ZNF609: variants seen among roughly 807,000 people sequenced by gnomAD.
ZNF609 encodes the protein zinc finger protein 609.
A neutral mutation model predicts 109.5 loss-of-function variants in ZNF609; 11 were observed. The ratio of observed to expected loss-of-function variants is 0.10; its 90% CI spans 0.06 to 0.17. ZNF609 has a LOEUF of 0.17. Among genes scored for constraint, ZNF609 ranks in the 10% least tolerant of loss-of-function variants. The pLI, the probability that ZNF609 is intolerant of heterozygous loss-of-function variation, is 1.00. For synonymous variants in ZNF609, 646 were observed against 662.0 expected (o/e 0.98, Z 0.37); for missense variants, 1,559 against 1,772.4 (o/e 0.88, Z 2.16).
At chr15:64,584,216 G>A (rs1255687251) in intron 2 of ZNF609, among the ~76,000 whole-genome samples, 11 of 152,186 alleles carry the variant, frequency 7.2e-5, no homozygotes, top group Admixed American at 7.2e-4. Context: ...TCGGCACTTT[G>A]GGAGGCCGAG....
intron 2 of ZNF609, among the ~76,000 whole-genome samples, chr15:64,595,390 A>T (rs940399468): frequency 6.6e-5 from 10 of 151,436 alleles, no homozygotes; most frequent in Admixed American, 2.6e-4. Context: ...TCGAAGTGCT[A>T]CAGCCACCTT....
rs759580476 is a variant in ZNF609 at position 64,674,185 on chromosome 15, C to G, written c.1331C>G (p.Pro444Arg). The change falls in exon 5 of 10, where the codon CCC becomes CGC. Residue 444 changes from proline to arginine, a missense_variant. Pro to Arg is a moderately radical substitution (Grantham distance 103, BLOSUM62 -2). Transcript: ENST00000326648. ...PSSANKRKNKPLSDMELNSSS... is the reference protein window; with the variant it reads ...PSSANKRKNKRLSDMELNSSS... ...TCAGCTAATAAGCGGAAAAACAAAC[C>G]CCTTTCAGACATGGAGCTGAATTCT... 3.1e-6 allele frequency: 5 copies of G among 1,614,018 alleles called. No individual in the cohort carries two copies. Among genetic ancestry groups the G allele is most frequent in the Non-Finnish European group, 4.2e-6 (5 of 1,180,036 alleles).
intron 3 of ZNF609, among the ~76,000 whole-genome samples, chr15:64,658,995 A>C (rs948239509): frequency 1.3e-5 from 2 of 152,014 alleles, no homozygotes; most frequent in African/African-American, 4.8e-5. Context: ...GGGTTTCACC[A>C]TGTTGGCCAG....
chr15:64,516,492 G>T (rs2140361321), intron 2 of ZNF609, among the ~76,000 whole-genome samples: 1 of 152,194 alleles, frequency 6.6e-6, no homozygotes, highest in African/African-American at 2.4e-5. Context: ...TCCTGCCACA[G>T]CCTCCCAAGT....
Position 64,674,679 on chromosome 15 carries a change from T to C in ZNF609, c.1825T>C (p.Ser609Pro). The change falls in exon 5 of 10, where the codon TCT becomes CCT. Residue 609 changes from serine (S) to proline (P), a missense_variant. Around this residue, in one of 4 missense-constraint regions of ZNF609, gnomAD observed 1,204 missense variants for 1,314.1 expected, o/e 0.92. Coordinates refer to ENST00000326648, the MANE Select transcript of ZNF609 (RefSeq NM_015042.2). ...CCTTGGGGCCTTATCCAATGATGGCTCTGATGATGGACCCTCAGTGATGGA... is the reference window on the plus strand; with the variant it reads ...CCTTGGGGCCTTATCCAATGATGGCCCTGATGATGGACCCTCAGTGATGGA... Reference protein sequence around the residue: ...TDLGALSNDGSDDGPSVMDET... With the variant: ...TDLGALSNDGPDDGPSVMDET... The C allele has an allele frequency of 6.2e-7, 1 of 1,614,190 alleles. No homozygotes were observed. Among genetic ancestry groups the C allele is most frequent in the East Asian group, 2.2e-5 (1 of 44,886 alleles).
chr15:64,628,405 C>G (rs1483636794), intron 3 of ZNF609, among the ~76,000 whole-genome samples: 5 of 151,916 alleles, frequency 3.3e-5, no homozygotes, highest in African/African-American at 1.2e-4. Context: ...ACCTGTAATC[C>G]CAACACTTTG....
chr15:64,540,117 A>G (rs967964001), intron 2 of ZNF609, among the ~76,000 whole-genome samples: 9 of 152,160 alleles, frequency 5.9e-5, no homozygotes, highest in African/African-American at 2.2e-4. Flanking sequence ...CCCGTTGTGT[A>G]TCTTCTATAT....
At chr15:64,658,746 G>A (rs1040400630) in intron 3 of ZNF609, among the ~76,000 whole-genome samples, 5 of 150,756 alleles carry the variant, frequency 3.3e-5, no homozygotes, top group South Asian at 2.1e-4. Flanking sequence ...TCAGTGAGCC[G>A]TAATCATACC....
intron 1 of ZNF609, among the ~76,000 whole-genome samples, chr15:64,471,904 G>C (rs1596375207): frequency 6.7e-6 from 1 of 148,244 alleles, no homozygotes; most frequent in Admixed American, 6.7e-5. Context: ...CTTTTTCTTT[G>C]TTTTTGTTTT....
intron 2 of ZNF609, chr15:64,503,189 T>C (rs1893586631): frequency 6.6e-6 from 1 of 152,234 alleles, no homozygotes; most frequent in Admixed American, 6.5e-5. Flanking sequence ...GGGATCCCAC[T>C]TTTGCTCGAC....
intron 3 of ZNF609, among the ~76,000 whole-genome samples, chr15:64,645,754 T>C (rs931696639): frequency 6.6e-6 from 1 of 152,134 alleles, no homozygotes; most frequent in Non-Finnish European, 1.5e-5. Context: ...AGAAGATATC[T>C]AAATGACCAA....
chr15:64,624,482 A>C, intron 3 of ZNF609, among the ~76,000 whole-genome samples: 1 of 151,718 alleles, frequency 6.6e-6, no homozygotes, highest in African/African-American at 2.4e-5. Context: ...GAATAAATCG[A>C]TTTCCTGCCT....
Position 64,518,978 on chromosome 15 carries a change from C to T in ZNF609, c.747+18812C>T, listed in dbSNP as rs566675957. ...TTGGTCCTGCTCTTTCTAGGGCATA[C>T]GGTTTAGTAGGGGAGATAGAATGGA... On this transcript the variant is annotated intron_variant, in intron 2 of 9. Coordinates refer to ENST00000326648, the MANE Select transcript of ZNF609 (RefSeq NM_015042.2). Among the ~76,000 whole-genome samples the T allele has an allele frequency of 3.9e-5, 6 of 151,962 alleles. No individual in the cohort carries two copies. In the East Asian group the frequency reaches 7.7e-4, roughly 20 times the overall value.
At chr15:64,559,658 A>G (rs961899768) in intron 2 of ZNF609, among the ~76,000 whole-genome samples, 2 of 152,220 alleles carry the variant, frequency 1.3e-5, no homozygotes, top group African/African-American at 4.8e-5. Flanking sequence ...TTATATTAAT[A>G]ACTTTAATAA....
chr15:64,586,185 G>C (rs1895191857), intron 2 of ZNF609, among the ~76,000 whole-genome samples: 1 of 152,052 alleles, frequency 6.6e-6, no homozygotes, highest in Non-Finnish European at 1.5e-5. Context: ...AATTAGCCGG[G>C]CGTGGTGGCA....
At chr15:64,483,859 A>G (rs1053850136) in intron 1 of ZNF609, among the ~76,000 whole-genome samples, 1 of 152,326 alleles carries the variant, frequency 6.6e-6, no homozygotes, top group African/African-American at 2.4e-5. Flanking sequence ...CACAGATGAA[A>G]TAACTGAGGC....
rs191371274 is a variant in ZNF609 at position 64,481,943 on chromosome 15, C to T, written c.-127-17350C>T. On this transcript the variant is annotated intron_variant, in intron 1 of 9. Coordinates refer to ENST00000326648, the MANE Select transcript of ZNF609 (RefSeq NM_015042.2). Reference sequence around the variant, plus strand: ...GGGATTATAGTCACACGCCACCACACCTGGCTAATTTTTATATTTTTAGCA... The same window carrying T: ...GGGATTATAGTCACACGCCACCACATCTGGCTAATTTTTATATTTTTAGCA... Among the ~76,000 whole-genome samples, 253 of 152,102 alleles carry T rather than the reference C, an allele frequency of 1.7e-3. 1 individual carries two copies. Among genetic ancestry groups the T allele is most frequent in the Non-Finnish European group, 2.2e-3 (152 of 67,992 alleles).
At chr15:64,459,876 G>A (rs1180626408), upstream of ZNF609, among the ~76,000 whole-genome samples, 2 of 151,962 alleles carry the variant, frequency 1.3e-5, no homozygotes, top group Non-Finnish European at 2.9e-5. Flanking sequence ...TAGCAGATAA[G>A]GAAAAATAAA....
intron 1 of ZNF609, among the ~76,000 whole-genome samples, chr15:64,474,821 T>C (rs1305653340): frequency 6.6e-6 from 1 of 152,126 alleles, no homozygotes; most frequent in African/African-American, 2.4e-5. Flanking sequence ...AATTACAATT[T>C]TGATCATTTT....
Sources: allele counts gnomAD v4.1 joint callset (sites outside exome capture counted in the v4.1 genomes callset), GRCh38; gene constraint gnomAD v4.1.1; regional missense constraint gnomAD v4.1.1; transcripts MANE v1.5; gene names NCBI Gene and HGNC (gene_info 2026-07-23, HGNC 2026-07-21).